Variants in ROBO1 observed in about 807,000 individuals in gnomAD.
ROBO1 encodes the protein roundabout guidance receptor 1.
A neutral mutation model predicts 195.9 loss-of-function variants in ROBO1; 149 were observed. That is an observed-to-expected ratio of 0.76 (90% CI 0.67 to 0.87). The LOEUF is 0.87. Among genes scored for constraint, ROBO1 ranks in the 40% least tolerant of loss-of-function variants. The probability of loss-of-function intolerance (pLI) is 0.00; values close to 1 mark genes in which losing one functional copy is unlikely to be tolerated. For synonymous variants in ROBO1, 816 were observed against 733.2 expected (o/e 1.11, Z -1.82); for missense variants, 1,933 against 2,068.3 (o/e 0.93, Z 1.27).
At chr3:79,417,308 A>C (rs537619147) in intron 2 of ROBO1, among the ~76,000 whole-genome samples, 1 of 152,152 alleles carries the variant, frequency 6.6e-6, no homozygotes, top group African/African-American at 2.4e-5. Flanking sequence ...AGAGGCTCAC[A>C]TAGCAAGAAA....
rs554361495 is a variant in ROBO1, at chr3:79,642,012, CTGTTT to C, written c.-50-52056_-50-52052del. Among the ~76,000 whole-genome samples, 13 of 152,144 alleles carry C rather than the reference CTGTTT, an allele frequency of 8.5e-5. No homozygotes were observed. In the South Asian group the frequency reaches 1.2e-3, roughly 15 times the overall value. ...CCATCCTGGGTGACAGAGTGAGAGA[CTGTTT>C]TGTTTTGTTTTTTGTTTTTTTAAAA... On this transcript the variant is annotated intron_variant, in intron 1 of 30. Transcript: ENST00000464233.
At chr3:79,762,247 C>T (rs536709728) in intron 1 of ROBO1, among the ~76,000 whole-genome samples, 27 of 151,844 alleles carry the variant, frequency 1.8e-4, no homozygotes, top group Non-Finnish European at 2.9e-4. Context: ...TATGTTTAGT[C>T]GGGGGGGAAG....
chr3:78,873,095 T>C (rs1328503963), intron 4 of ROBO1, among the ~76,000 whole-genome samples: 5 of 152,186 alleles, frequency 3.3e-5, no homozygotes, highest in Non-Finnish European at 5.9e-5. Flanking sequence ...CCATATTCTA[T>C]TTTATTTACT....
At chr3:79,469,125 T>C (rs971686679) in intron 2 of ROBO1, among the ~76,000 whole-genome samples, 1 of 152,122 alleles carries the variant, frequency 6.6e-6, no homozygotes, top group African/African-American at 2.4e-5. Flanking sequence ...CAGTGGCAAA[T>C]ATCTCTTGGA....
intron 2 of ROBO1, among the ~76,000 whole-genome samples, chr3:79,495,021 G>GTAGATAGA (rs148968468): frequency 7.3e-4 from 111 of 151,416 alleles, no homozygotes; most frequent in Middle Eastern, 6.8e-3. Context: ...TGACAGATAG[G>GTAGATAGA]TAGATAGATA....
chr3:78,673,518 A>G (rs1708189626), intron 10 of ROBO1, among the ~76,000 whole-genome samples: 1 of 136,418 alleles, frequency 7.3e-6, no homozygotes, highest in South Asian at 2.2e-4. Context: ...AATAATATAT[A>G]ATATATATAA....
At chr3:79,358,395 T>C (rs577161170) in intron 2 of ROBO1, among the ~76,000 whole-genome samples, 4 of 152,200 alleles carry the variant, frequency 2.6e-5, no homozygotes, top group East Asian at 1.9e-4. Flanking sequence ...ATTCAGTCTG[T>C]GTCTCCTCTT....
At chr3:79,608,607 T>G (rs995023991) in intron 1 of ROBO1, among the ~76,000 whole-genome samples, 4 of 151,988 alleles carry the variant, frequency 2.6e-5, no homozygotes, top group African/African-American at 9.7e-5. Context: ...AAATAGACTC[T>G]GATGGATGTT....
chr3:79,739,582 T>A (rs1364697965), intron 1 of ROBO1, among the ~76,000 whole-genome samples: 4 of 152,038 alleles, frequency 2.6e-5, no homozygotes, highest in African/African-American at 9.7e-5. Context: ...AATTAGCAAA[T>A]GGAGGCTATT....
chr3:79,053,984 G>C lies in ROBO1; in HGVS notation c.172+71472C>G, dbSNP rs550533550. 2.4e-4 allele frequency among the ~76,000 whole-genome samples: 36 copies of C among 152,042 alleles called. 1 individual carries two copies. The highest frequency in any genetic ancestry group is 7.9e-4 in the Admixed American group (12 of 15,250). ...GTCTTACTTCTCTTTATGTTAAAAT[G>C]GTATTACAAACTTTTTGTACTGAGG... On this transcript the variant is annotated intron_variant, in intron 3 of 30. Coordinates refer to ENST00000464233, the MANE Select transcript of ROBO1 (RefSeq NM_002941.4).
intron 3 of ROBO1, among the ~76,000 whole-genome samples, chr3:79,049,959 A>G (rs964460132): frequency 1.3e-5 from 2 of 152,218 alleles, no homozygotes; most frequent in South Asian, 4.1e-4. Context: ...TGTCAAGACC[A>G]TTGACGCTAT....
At chr3:78,760,889 G>A (rs959981942) in intron 4 of ROBO1, among the ~76,000 whole-genome samples, 1 of 151,948 alleles carries the variant, frequency 6.6e-6, no homozygotes, top group South Asian at 2.1e-4. Context: ...CAATCCTCCT[G>A]CCTCAGCCTC....
At chr3:78,967,139 T>G (rs1355876092) in intron 3 of ROBO1, among the ~76,000 whole-genome samples, 2 of 152,142 alleles carry the variant, frequency 1.3e-5, no homozygotes, top group Non-Finnish European at 2.9e-5. Flanking sequence ...ATATACTCCA[T>G]CTGTCAATAC....
intron 4 of ROBO1, among the ~76,000 whole-genome samples, chr3:78,783,294 T>C (rs1291454348): frequency 6.6e-6 from 1 of 152,170 alleles, no homozygotes; most frequent in African/African-American, 2.4e-5. Flanking sequence ...ATTGGAACAA[T>C]ATATTTTTTT....
intron 1 of ROBO1, among the ~76,000 whole-genome samples, chr3:79,697,205 A>C (rs1560109284): frequency 6.6e-6 from 1 of 151,540 alleles, no homozygotes. Flanking sequence ...ATGGTTCTAA[A>C]TTATATATAA....
intron 21 of ROBO1, among the ~76,000 whole-genome samples, chr3:78,643,718 A>C (rs969409506): frequency 6.6e-6 from 1 of 152,162 alleles, no homozygotes; most frequent in Non-Finnish European, 1.5e-5. Flanking sequence ...GGAGCTCAGA[A>C]ACATGATCAA....
intron 4 of ROBO1, among the ~76,000 whole-genome samples, chr3:78,885,923 A>ATATG (rs1039082281): frequency 6.9e-6 from 1 of 144,318 alleles, no homozygotes; most frequent in Non-Finnish European, 1.5e-5. Flanking sequence ...ATATATATAT[A>ATATG]TATATATATA....
At chr3:79,572,958 G>T (rs1367188428) in intron 2 of ROBO1, among the ~76,000 whole-genome samples, 1 of 152,130 alleles carries the variant, frequency 6.6e-6, no homozygotes, top group Non-Finnish European at 1.5e-5. Flanking sequence ...GAATGGATTA[G>T]CATAGTGTGG....
At chr3:79,336,160 T>C (rs2034656080) in intron 2 of ROBO1, among the ~76,000 whole-genome samples, 3 of 152,190 alleles carry the variant, frequency 2.0e-5, no homozygotes, top group Non-Finnish European at 4.4e-5. Flanking sequence ...AAACCCATTT[T>C]CTGGGGAGAA....
Sources: gnomAD v4.1 joint callset for allele counts (sites outside exome capture counted in the v4.1 genomes callset) on GRCh38, gnomAD v4.1.1 for gene constraint, MANE v1.5 for transcripts, NCBI Gene and HGNC (gene_info 2026-07-23, HGNC 2026-07-21) for gene names.